Variants in HEYL observed in about 807,000 individuals in gnomAD.
The protein encoded by HEYL is hes related family bHLH transcription factor with YRPW motif like.
In HEYL, 12 loss-of-function variants were observed where a neutral mutation model predicts 18.6. That is an observed-to-expected ratio of 0.65 (90% confidence interval 0.41 to 1.05). The LOEUF (loss-of-function observed/expected upper bound fraction) is 1.05. Among genes scored for constraint, HEYL ranks in the 50% least tolerant of loss-of-function variants. The probability of loss-of-function intolerance (pLI) is 0.00; values close to 1 mark genes in which losing one functional copy is unlikely to be tolerated. For missense variants in HEYL, 420 were observed against 444.7 expected, an observed-to-expected ratio of 0.94 and a Z score of 0.50; for synonymous variants, 159 against 179.6, an observed-to-expected ratio of 0.89 and a Z score of 0.91.
chr1:39,637,571 G>A (rs1340232388), intron 1 of HEYL, among the ~76,000 whole-genome samples: 1 of 152,190 alleles, frequency 6.6e-6, no homozygotes, highest in African/African-American at 2.4e-5. Flanking sequence ...ATGTCTGCTG[G>A]GGGAAGGGCC....
intron 4 of HEYL, among the ~76,000 whole-genome samples, chr1:39,628,592 T>TCTTTTA: frequency 6.8e-6 from 1 of 148,126 alleles, no homozygotes; most frequent in South Asian, 2.2e-4. Flanking sequence ...GCTGTTCTTT[T>TCTTTTA]CTTTTTCTTT....
At chr1:39,636,548 G>A (rs1248540448) in intron 1 of HEYL, among the ~76,000 whole-genome samples, 1 of 152,134 alleles carries the variant, frequency 6.6e-6, no homozygotes, top group Non-Finnish European at 1.5e-5. Flanking sequence ...TTACAGGCGT[G>A]AGCCACCGTG....
At chr1:39,637,474 G>A (rs146012943) in intron 1 of HEYL, among the ~76,000 whole-genome samples, 2 of 152,344 alleles carry the variant, frequency 1.3e-5, no homozygotes, top group African/African-American at 4.8e-5. Flanking sequence ...GGCAGAGGCT[G>A]AGCAGGATAC....
chr1:39,626,391 C>T lies in HEYL; in HGVS notation c.*116G>A, dbSNP rs927083349. On this transcript the variant is annotated 3_prime_UTR_variant, in exon 5 of 5. Transcript: ENST00000372852. ...GAGGGGGCCTCTGATGGCTGGAGAACGTGCCTTCACATATGAGCCAGTCCA... is the reference window on the plus strand; with the variant it reads ...GAGGGGGCCTCTGATGGCTGGAGAATGTGCCTTCACATATGAGCCAGTCCA... The T allele has an allele frequency of 1.5e-5, 14 of 908,020 alleles. No homozygotes were observed. The highest frequency in any genetic ancestry group is 3.4e-5 in the African/African-American group (2 of 58,578). 56.2% of individuals were successfully genotyped at this position (908,020 alleles called of 1,614,324 possible). A position where few individuals can be genotyped will look rare whatever the true frequency, so the allele number is the denominator to read the frequency against.
intron 1 of HEYL, among the ~76,000 whole-genome samples, chr1:39,634,768 C>T (rs1423661182): frequency 3.9e-5 from 6 of 152,236 alleles, no homozygotes; most frequent in African/African-American, 1.4e-4. Context: ...TGATTGATGT[C>T]TATCTCTCCA....
chr1:39,626,552 G>C lies in HEYL; in HGVS notation c.942C>G (p.Leu314=). Residue 314 remains leucine, a synonymous_variant, in exon 5 of 5, where the codon CTC becomes CTG. Coordinates refer to ENST00000372852, the MANE Select transcript of HEYL (RefSeq NM_014571.4). ...TGATTTCAGAGACCCAGGAGTGGTAGAGCATGGCTCCCGCTGGCCTCCCAG... is the reference window on the plus strand; with the variant it reads ...TGATTTCAGAGACCCAGGAGTGGTACAGCATGGCTCCCGCTGGCCTCCCAG... The part of the protein sequence containing the change: ...GPAGRPAGAM[L]YHSWVSEITE... 2.6e-6 allele frequency: 4 copies of C among 1,549,206 alleles called. No individual in the cohort carries two copies. The highest frequency in any genetic ancestry group is 1.4e-5 in the African/African-American group (1 of 73,092).
At chr1:39,627,965 G>C (rs1012644491) in intron 4 of HEYL, among the ~76,000 whole-genome samples, 1 of 152,090 alleles carries the variant, frequency 6.6e-6, no homozygotes, top group Non-Finnish European at 1.5e-5. Context: ...TGCTGTTATC[G>C]GCCAGGGACC....
At position 39,631,504 on chromosome 1, in the gene HEYL, C is replaced by T. The variant is rs765492005; in HGVS notation, c.223G>A (p.Glu75Lys). ...ELRRLVPTAF[E>K]KQGSSKLEKA... ...TCAGCAATGTCACATACCTGTTTCT[C>T]AAAGGCAGTGGGGACCAAGCGTCGC... Residue 75 changes from glutamate to lysine, a missense_variant, in exon 3 of 5, where the codon GAG (glutamate) becomes AAG (lysine). Physicochemically the swap from Glu to Lys is moderately conservative, Grantham distance 56. Transcript: ENST00000372852. 15 of 1,613,986 alleles carry T rather than the reference C, an allele frequency of 9.3e-6. No individual in the cohort carries two copies. Among genetic ancestry groups the T allele is most frequent in the Non-Finnish European group, 1.2e-5 (14 of 1,179,944 alleles).
intron 3 of HEYL, among the ~76,000 whole-genome samples, chr1:39,631,130 T>C (rs553878817): frequency 6.6e-6 from 1 of 152,324 alleles, no homozygotes; most frequent in Non-Finnish European, 1.5e-5. Flanking sequence ...GAAATGTCTG[T>C]AGTGCAGAGG....
At chr1:39,635,429 G>A (rs988300952) in intron 1 of HEYL, among the ~76,000 whole-genome samples, 6 of 152,216 alleles carry the variant, frequency 3.9e-5, no homozygotes, top group Admixed American at 2.0e-4. Flanking sequence ...CCTCCGCTGG[G>A]ACCATCTGTT....
In HEYL at chr1:39,625,301, A is replaced by ATTT. The variant is rs1163229237; in HGVS notation, c.*1203_*1205dup. 1 of 152,236 alleles carries ATTT rather than the reference A, an allele frequency of 6.6e-6. No individual in the cohort carries two copies. The highest frequency in any genetic ancestry group is 1.9e-4 in the East Asian group (1 of 5,204). 9.4% of individuals were successfully genotyped at this position (152,236 alleles called of 1,614,324 possible). The stretch of plus-strand genomic sequence containing the variant: ...TTCTGCTGGGAACGACTGCTGGACC[A>ATTT]TTTGTTTCCTCTGTTAGAAAAAGTG... On this transcript the variant is annotated 3_prime_UTR_variant, in exon 5 of 5. Coordinates refer to ENST00000372852, the MANE Select transcript of HEYL (RefSeq NM_014571.4).
chr1:39,628,533 C>T (rs2124109342), intron 4 of HEYL, among the ~76,000 whole-genome samples: 1 of 152,186 alleles, frequency 6.6e-6, no homozygotes, highest in Non-Finnish European at 1.5e-5. Context: ...CCCACCTCGG[C>T]CTCCCAAAGT....
chr1:39,626,823 C>T lies in HEYL; in HGVS notation c.671G>A (p.Arg224Lys). The T allele has an allele frequency of 1.3e-6, 2 of 1,568,130 alleles. No homozygotes were observed. The highest frequency in any genetic ancestry group is 3.8e-5 in the Admixed American group (2 of 51,976). ...GGCTGGCAGGATGATGCCTGTGGCTCTGCGAAGGGGAGCGGTTCGGAGGGC... is the reference window on the plus strand; with the variant it reads ...GGCTGGCAGGATGATGCCTGTGGCTTTGCGAAGGGGAGCGGTTCGGAGGGC... The part of the protein sequence containing the change: ...IPALRTAPLR[R>K]ATGIILPARR... The change falls in exon 5 of 5, where the codon AGA (arginine) becomes AAA (lysine). Residue 224 changes from arginine to lysine, a missense_variant. Physicochemically the swap from Arg to Lys is conservative, Grantham distance 26. Transcript: ENST00000372852.
Position 39,626,700 on chromosome 1 carries a change from C to T in HEYL, c.794G>A (p.Arg265Lys), listed in dbSNP as rs200662775. The T allele has an allele frequency of 1.6e-4, 237 of 1,507,634 alleles. 1 individual carries two copies. In the African/African-American group the frequency reaches 2.9e-3, roughly 18 times the overall value. The allele number at this position is 1,507,634 out of a possible 1,614,324, so 93.4% of individuals were successfully genotyped here. A position where few individuals can be genotyped will look rare whatever the true frequency, so the allele number is the denominator to read the frequency against. ...ATPVPVAPSS[R>K]AARSSHIAPL... is the part of the protein sequence containing the mutation. ...AGCGATGTGGCTGCTCCTGGCAGCC[C>T]TGCTGCTGGGGGCGACAGGCACAGG... The change falls in exon 5 of 5, where the codon AGG becomes AAG. Residue 265 changes from arginine (R) to lysine (K), a missense_variant. Physicochemically the swap from Arg to Lys is conservative, Grantham distance 26. Transcript: ENST00000372852.
intron 4 of HEYL, among the ~76,000 whole-genome samples, chr1:39,627,407 A>T (rs184997501): frequency 1.8e-4 from 28 of 152,364 alleles, no homozygotes; most frequent in African/African-American, 6.0e-4. Flanking sequence ...TCACTAAACT[A>T]TGAAGCATTA....
In HEYL at chr1:39,626,632, C is replaced by A. The variant is rs775969852; in HGVS notation, c.862G>T (p.Gly288Trp). The A allele has an allele frequency of 1.3e-6, 2 of 1,544,848 alleles. No homozygotes were observed. The highest frequency in any genetic ancestry group is 1.7e-6 in the Non-Finnish European group (2 of 1,148,034). ...GGAACAGCCACGTAAGCAGCCGACC[C>A]TGTAGGACCAGGGGGTGTTGGGGAG... is the stretch of plus-strand genomic sequence containing the variant. ...SSSPTPPGPT[G>W]SAAYVAVPTP... Residue 288 changes from glycine (G) to tryptophan (W), a missense_variant, in exon 5 of 5, where the codon GGG (glycine) becomes TGG (tryptophan). Transcript: ENST00000372852.
chr1:39,639,503 C>G lies in HEYL; in HGVS notation c.80+43G>C, dbSNP rs1471633662. ...GAGCCCGTCGGGCCGACCCCCACCC[C>G]GCTCGCCCTCCGCCTGCTCGGTCCC... On this transcript the variant is annotated intron_variant, in intron 1 of 4. Transcript: ENST00000372852. 2.7e-6 allele frequency: 4 copies of G among 1,507,680 alleles called. No homozygotes were observed. In the African/African-American group the frequency reaches 5.8e-5, roughly 22 times the overall value. The allele number at this position is 1,507,680 out of a possible 1,614,324, so 93.4% of individuals were successfully genotyped here. A position where few individuals can be genotyped will look rare whatever the true frequency, so the allele number is the denominator to read the frequency against.
Position 39,626,111 on chromosome 1 carries a change from C to T in HEYL, c.*396G>A. 1 of 175,264 alleles carries T rather than the reference C, an allele frequency of 5.7e-6. No homozygotes were observed. 10.9% of individuals were successfully genotyped at this position (175,264 alleles called of 1,614,324 possible). A position where few individuals can be genotyped will look rare whatever the true frequency, so the allele number is the denominator to read the frequency against. On this transcript the variant is annotated 3_prime_UTR_variant, in exon 5 of 5. Coordinates refer to ENST00000372852, the MANE Select transcript of HEYL (RefSeq NM_014571.4). ...GTCAGTCATTGCTCCTGACTGGGGT[C>T]TGACCGCCCCAAGGAACAGCCTGCC... is the stretch of plus-strand genomic sequence containing the variant.
chr1:39,638,884 C>T (rs1041741839), intron 1 of HEYL, among the ~76,000 whole-genome samples: 2 of 152,208 alleles, frequency 1.3e-5, no homozygotes, highest in African/African-American at 4.8e-5. Flanking sequence ...CAGAACTATA[C>T]AAGCGCAGTT....
Sources: allele counts gnomAD v4.1 joint callset (sites outside exome capture counted in the v4.1 genomes callset), GRCh38; gene constraint gnomAD v4.1.1; transcripts MANE v1.5; gene names NCBI Gene and HGNC (gene_info 2026-07-23, HGNC 2026-07-21).